Variants in UGT1A3 observed in about 807,000 individuals in gnomAD.
The protein encoded by UGT1A3 is UDP glucuronosyltransferase family 1 member A3, also known as UDP-glucuronosyltransferase 1A3.
UGT1A3 carries 31 observed loss-of-function variants against 41.0 expected under a neutral mutation model. The observed-to-expected ratio is 0.76, with a 90% confidence interval of 0.57 to 1.02. UGT1A3 has a LOEUF of 1.02. Among genes scored for constraint, UGT1A3 ranks in the 50% least tolerant of loss-of-function variants. UGT1A3 has a pLI of 0.00. For synonymous variants in UGT1A3, 262 were observed against 257.6 expected, an observed-to-expected ratio of 1.02 and a Z score of -0.17; for missense variants, 737 against 671.0, an observed-to-expected ratio of 1.10 and a Z score of -1.09.
chr2:233,750,944 CAG>C (rs1694596562), intron 1 of UGT1A3, among the ~76,000 whole-genome samples: 3 of 152,000 alleles, frequency 2.0e-5, no homozygotes, highest in Middle Eastern at 3.4e-3. Flanking sequence ...AGCCCCCACA[CAG>C]AGTCTCCACT....
At chr2:233,755,462 T>C (rs1695929337) in intron 1 of UGT1A3, 1 of 276,566 alleles carries the variant, frequency 3.6e-6, no homozygotes, top group Non-Finnish European at 7.1e-6. Flanking sequence ...CTGGCCCTGC[T>C]CTCTGTGAGG....
At chr2:233,734,492 T>A (rs983580734) in intron 1 of UGT1A3, among the ~76,000 whole-genome samples, 3 of 151,188 alleles carry the variant, frequency 2.0e-5, no homozygotes, top group Non-Finnish European at 4.5e-5. Flanking sequence ...TTTTTGAAGG[T>A]TTTTTTGTGT....
At chr2:233,762,603 G>T (rs890320273) in intron 1 of UGT1A3, among the ~76,000 whole-genome samples, 2 of 152,136 alleles carry the variant, frequency 1.3e-5, no homozygotes, top group Admixed American at 1.3e-4. Context: ...TGTATTCCAG[G>T]AGTTTTGTTG....
Position 233,772,848 on chromosome 2 carries a change from A to T in UGT1A3, c.*289A>T. 1.3e-6 allele frequency: 1 copy of T among 775,120 alleles called. No homozygotes were observed. Among genetic ancestry groups the T allele is most frequent in the Non-Finnish European group, 1.8e-6 (1 of 542,660 alleles). The allele number at this position is 775,120 out of a possible 1,614,324, so 48.0% of individuals were successfully genotyped here. ...GCTGGCATTCTAGATTACTTTTCTT[A>T]CTCTGAAACATGGCCTGTTTGGGAG... On this transcript the variant is annotated 3_prime_UTR_variant, in exon 5 of 5. Coordinates refer to ENST00000482026, the MANE Select transcript of UGT1A3 (RefSeq NM_019093.4).
At chr2:233,743,501 G>T (rs1559387094) in intron 1 of UGT1A3, 1 of 1,367,188 alleles carries the variant, frequency 7.3e-7, no homozygotes, top group Non-Finnish European at 9.8e-7. Flanking sequence ...GAGAAAAGGG[G>T]TGCAGACGCT....
chr2:233,769,846 A>T lies in UGT1A3; in HGVS notation c.1307+1407A>T. 5.9e-6 allele frequency: 3 copies of T among 506,296 alleles called. No individual in the cohort carries two copies. Among genetic ancestry groups the T allele is most frequent in the African/African-American group, 2.0e-5 (1 of 49,168 alleles). The allele number at this position is 506,296 out of a possible 1,614,324, so 31.4% of individuals were successfully genotyped here. ...CTCCAGCAACCTGGGCAACAGAGTG[A>T]GACCCTGTCTCAAAAAAAAAAAAAA... On this transcript the variant is annotated intron_variant, in intron 4 of 4. Coordinates refer to ENST00000482026, the MANE Select transcript of UGT1A3 (RefSeq NM_019093.4). The surrounding 1 kb of genome is among the most constrained non-coding windows in gnomAD (Gnocchi z 4.4).
intron 1 of UGT1A3, among the ~76,000 whole-genome samples, chr2:233,735,916 G>T (rs182665210): frequency 5.9e-5 from 9 of 152,142 alleles, no homozygotes; most frequent in Admixed American, 5.9e-4. Context: ...TGGGTAACCC[G>T]ACCTTTCTCT....
At chr2:233,734,267 C>T (rs1349289847) in intron 1 of UGT1A3, among the ~76,000 whole-genome samples, 2 of 152,020 alleles carry the variant, frequency 1.3e-5, no homozygotes, top group Non-Finnish European at 2.9e-5. Flanking sequence ...GTGTATGTGT[C>T]CAGGAATTTA....
At chr2:233,767,261 T>C in intron 2 of UGT1A3, 96 bp downstream of exon 2, 1 of 1,590,062 alleles carries the variant, frequency 6.3e-7, no homozygotes, top group Non-Finnish European at 8.5e-7. Context: ...ATTGGAACCT[T>C]AGATTTGGCT....
Position 233,729,755 on chromosome 2 carries a change from G to T in UGT1A3, c.629G>T (p.Arg210Met), listed in dbSNP as rs2077920089. 1 of 1,613,802 alleles carries T rather than the reference G, an allele frequency of 6.2e-7. No homozygotes were observed. The highest frequency in any genetic ancestry group is 8.5e-7 in the Non-Finnish European group (1 of 1,179,862). Residue 210 changes from arginine (R) to methionine (M), a missense_variant, in exon 1 of 5, where the codon AGG (arginine) becomes ATG (methionine). By Grantham distance (91) the Arg-to-Met change is moderately conservative. Transcript: ENST00000482026. ...TCAGACCACATGACATTCATGCAAA[G>T]GGTCAAGAACATGCTCTACCCTCTG... ...TNSDHMTFMQRVKNMLYPLAL... is the reference protein window; with the variant it reads ...TNSDHMTFMQMVKNMLYPLAL...
chr2:233,748,612 C>T (rs570236786), intron 1 of UGT1A3, among the ~76,000 whole-genome samples: 2 of 151,726 alleles, frequency 1.3e-5, no homozygotes, highest in East Asian at 1.9e-4. Context: ...GAGCAACGAA[C>T]GTGGGATATA....
chr2:233,742,761 T>C (rs978880235), intron 1 of UGT1A3: 1 of 153,020 alleles, frequency 6.5e-6, no homozygotes, highest in African/African-American at 2.4e-5. Flanking sequence ...ATTAAGATAA[T>C]AAATGCATGT....
At chr2:233,750,863 G>A (rs1036231248) in intron 1 of UGT1A3, 1 of 151,894 alleles carries the variant, frequency 6.6e-6, no homozygotes, top group Non-Finnish European at 1.5e-5. Context: ...CCAGGCAGAA[G>A]TTTGCTGCAT....
intron 1 of UGT1A3, among the ~76,000 whole-genome samples, chr2:233,739,478 C>A (rs945148386): frequency 2.6e-5 from 4 of 152,180 alleles, no homozygotes; most frequent in African/African-American, 9.7e-5. Context: ...ACCGTGGGAG[C>A]CCATTTCTGG....
rs1700519300 is a variant in UGT1A3 at position 233,772,417 on chromosome 2, A to G, written c.1463A>G (p.His488Arg). Residue 488 changes from histidine to arginine, a missense_variant, in exon 5 of 5, where the codon CAT (histidine) becomes CGT (arginine). Coordinates refer to ENST00000482026, the MANE Select transcript of UGT1A3 (RefSeq NM_019093.4). ...CACGACCTCACCTGGTACCAGTACCATTCCTTGGACGTGATTGGTTTCCTC... is the reference window on the plus strand; with the variant it reads ...CACGACCTCACCTGGTACCAGTACCGTTCCTTGGACGTGATTGGTTTCCTC... ...AAHDLTWYQYHSLDVIGFLLA... is the reference protein window; with the variant it reads ...AAHDLTWYQYRSLDVIGFLLA... 1.2e-6 allele frequency: 2 copies of G among 1,614,214 alleles called. No individual in the cohort carries two copies. The highest frequency in any genetic ancestry group is 2.7e-5 in the African/African-American group (2 of 75,044).
At chr2:233,766,319 A>G (rs1575819132) in intron 1 of UGT1A3, among the ~76,000 whole-genome samples, 1 of 151,982 alleles carries the variant, frequency 6.6e-6, no homozygotes, top group African/African-American at 2.4e-5. Flanking sequence ...GCCTCAGCCA[A>G]ACTCCGCGTT....
chr2:233,742,362 A>G (rs536204491), intron 1 of UGT1A3, among the ~76,000 whole-genome samples: 1 of 152,110 alleles, frequency 6.6e-6, no homozygotes, highest in South Asian at 2.1e-4. Context: ...TGCAGCAGAA[A>G]CATGTCCTTA....
intron 1 of UGT1A3, among the ~76,000 whole-genome samples, chr2:233,736,093 C>T (rs2125798451): frequency 1.3e-5 from 2 of 152,304 alleles, no homozygotes; most frequent in South Asian, 4.2e-4. Flanking sequence ...TGGATAATAT[C>T]CTGAAGAGTG....
At chr2:233,759,284 T>G (rs1280598347) in intron 1 of UGT1A3, among the ~76,000 whole-genome samples, 1 of 152,192 alleles carries the variant, frequency 6.6e-6, no homozygotes, top group Non-Finnish European at 1.5e-5. Flanking sequence ...GATTGGTTGA[T>G]GAAGCTGAGC....
Sources: gnomAD v4.1 joint callset for allele counts (sites outside exome capture counted in the v4.1 genomes callset) on GRCh38, gnomAD v4.1.1 for gene constraint, Gnocchi (gnomAD v3.1) non-coding constraint, MANE v1.5 for transcripts, NCBI Gene and HGNC (gene_info 2026-07-23, HGNC 2026-07-21) for gene names.